The following MEI4 variants were observed in gnomAD, a reference collection of about 807,000 sequenced individuals.
MEI4 encodes the protein meiotic double-stranded break formation protein 4.
Under a neutral mutation model 31.4 loss-of-function variants are expected in MEI4, and 27 were observed. The observed-to-expected ratio is 0.86, with a 90% CI of 0.63 to 1.19. The LOEUF (loss-of-function observed/expected upper bound fraction) is 1.19, where lower values mean the gene tolerates loss of function less well. MEI4 is among the 50% of genes most tolerant of loss of function. The probability of loss-of-function intolerance (pLI) is 0.00; values close to 1 mark genes in which losing one functional copy is unlikely to be tolerated. For synonymous variants in MEI4, 122 were observed against 145.4 expected (o/e 0.84, Z 1.16); for missense variants, 329 against 398.9 (o/e 0.82, Z 1.49).
At chr6:77,695,204 T>G (rs940366680) in intron 2 of MEI4, among the ~76,000 whole-genome samples, 6 of 152,032 alleles carry the variant, frequency 3.9e-5, no homozygotes, top group African/African-American at 1.2e-4. Context: ...TTTCTCCCAT[T>G]TTGTAGGTTG....
intron 1 of MEI4, among the ~76,000 whole-genome samples, chr6:77,681,497 T>G (rs1768956611): frequency 6.6e-6 from 1 of 152,238 alleles, no homozygotes; most frequent in African/African-American, 2.4e-5. Context: ...TTTATGGATT[T>G]ACATAGTGGA....
intron 4 of MEI4, among the ~76,000 whole-genome samples, chr6:77,866,512 C>A (rs1771032431): frequency 6.6e-6 from 1 of 152,250 alleles, no homozygotes; most frequent in South Asian, 2.1e-4. Flanking sequence ...AGGAATCCAA[C>A]TTATAAGGGA....
Position 77,923,805 on chromosome 6 carries a change from C to T in MEI4, c.*459C>T, listed in dbSNP as rs941626071. ...ATGCAATTTTTAAAACTTTTTCTTA[C>T]ATAGTTGAACTTATATCATTGCTTT... On this transcript the variant is annotated 3_prime_UTR_variant, in exon 5 of 5. Coordinates refer to ENST00000684080, the MANE Select transcript of MEI4 (RefSeq NM_001322247.2). The T allele has an allele frequency of 6.6e-6, 1 of 151,792 alleles. No homozygotes were observed. The highest frequency in any genetic ancestry group is 2.4e-5 in the African/African-American group (1 of 41,382). The allele number at this position is 151,792 out of a possible 1,614,324, so 9.4% of individuals were successfully genotyped here. A position where few individuals can be genotyped will look rare whatever the true frequency, so the allele number is the denominator to read the frequency against.
intron 4 of MEI4, among the ~76,000 whole-genome samples, chr6:77,833,352 C>A (rs9294089): frequency 0.22 from 34,143 of 151,884 alleles, 4,758 homozygotes; most frequent in African/African-American, 0.4. Context: ...CTATAAAAAG[C>A]AATATCCATG....
At chr6:77,880,130 G>A (rs1206949755) in intron 4 of MEI4, among the ~76,000 whole-genome samples, 3 of 151,994 alleles carry the variant, frequency 2.0e-5, no homozygotes, top group Non-Finnish European at 4.4e-5. Flanking sequence ...TATTTACACA[G>A]TTACTCATTT....
intron 4 of MEI4, among the ~76,000 whole-genome samples, chr6:77,867,878 T>C (rs1249694810): frequency 6.6e-6 from 1 of 152,156 alleles, no homozygotes; most frequent in Admixed American, 6.5e-5. Flanking sequence ...CATGGAATAC[T>C]ATGCAGCCAT....
intron 1 of MEI4, among the ~76,000 whole-genome samples, chr6:77,684,298 G>A (rs1254740827): frequency 6.6e-6 from 1 of 152,062 alleles, no homozygotes; most frequent in Non-Finnish European, 1.5e-5. Flanking sequence ...GGGTACATGA[G>A]ATACTTTGAT....
chr6:77,921,299 A>C (rs1286380065), intron 4 of MEI4, among the ~76,000 whole-genome samples: 1 of 151,848 alleles, frequency 6.6e-6, no homozygotes, highest in Non-Finnish European at 1.5e-5. Context: ...AGCCTCTGCT[A>C]TCTATCTTCA....
chr6:77,715,636 T>C (rs1411966815), intron 2 of MEI4, among the ~76,000 whole-genome samples: 1 of 152,202 alleles, frequency 6.6e-6, no homozygotes, highest in African/African-American at 2.4e-5. Context: ...CTTTTGGCCA[T>C]ATCCCTAATG....
rs990787313 is a variant in MEI4 at position 77,847,173 on chromosome 6, A to T, written c.900+18111A>T. 6.6e-6 allele frequency among the ~76,000 whole-genome samples: 1 copy of T among 152,162 alleles called. No individual in the cohort carries two copies. Among genetic ancestry groups the T allele is most frequent in the Non-Finnish European group, 1.5e-5 (1 of 68,018 alleles). On this transcript the variant is annotated intron_variant, in intron 4 of 4. Coordinates refer to ENST00000684080, the MANE Select transcript of MEI4 (RefSeq NM_001322247.2). This position sits in a 1 kb window ranked among gnomAD's most constrained non-coding sequence, Gnocchi z 4.6. Reference sequence around the variant, plus strand: ...AAAAGATTCAGTGGTACTTTCTCTCAATGTTCTGAAATGGTGTGTATGGAG... The same window carrying T: ...AAAAGATTCAGTGGTACTTTCTCTCTATGTTCTGAAATGGTGTGTATGGAG...
In MEI4 at chr6:77,831,509, A is replaced by T. The variant is rs541447711; in HGVS notation, c.900+2447A>T. Among the ~76,000 whole-genome samples the T allele has an allele frequency of 2.7e-4, 39 of 144,830 alleles. No individual in the cohort carries two copies. In the East Asian group the frequency reaches 5.1e-3, roughly 19 times the overall value. On this transcript the variant is annotated intron_variant, in intron 4 of 4. Coordinates refer to ENST00000684080, the MANE Select transcript of MEI4 (RefSeq NM_001322247.2). Reference sequence around the variant, plus strand: ...TAAATGAATGAATAAAGATAATTTTATATATATATATATATACCAAATAAT... The same window carrying T: ...TAAATGAATGAATAAAGATAATTTTTTATATATATATATATACCAAATAAT...
At chr6:77,729,895 T>C (rs1766928813) in intron 2 of MEI4, among the ~76,000 whole-genome samples, 1 of 152,160 alleles carries the variant, frequency 6.6e-6, no homozygotes, top group Admixed American at 6.6e-5. Context: ...GTGAAGTAGA[T>C]GCATGGTAGA....
At chr6:77,890,051 C>T (rs988710171) in intron 4 of MEI4, among the ~76,000 whole-genome samples, 2 of 152,234 alleles carry the variant, frequency 1.3e-5, no homozygotes, top group African/African-American at 4.8e-5. Context: ...AGAACCTATG[C>T]TAGCACAATG....
intron 4 of MEI4, among the ~76,000 whole-genome samples, chr6:77,900,665 TAA>T (rs1243585709): frequency 1.3e-5 from 2 of 152,000 alleles, no homozygotes; most frequent in African/African-American, 2.4e-5. Flanking sequence ...AGACTGACGA[TAA>T]AAGTCATTTC....
intron 3 of MEI4, among the ~76,000 whole-genome samples, chr6:77,815,930 G>T (rs770328315): frequency 4.6e-5 from 7 of 151,482 alleles, no homozygotes; most frequent in Non-Finnish European, 7.4e-5. Context: ...TTCTTTGCAG[G>T]GTGCTTATAG....
At position 77,758,794 on chromosome 6, in the gene MEI4, A is replaced by C. The variant is rs141321406; in HGVS notation, c.233-2336A>C. Among the ~76,000 whole-genome samples the C allele has an allele frequency of 1.4e-3, 213 of 151,832 alleles. 1 individual carries two copies. Among genetic ancestry groups the C allele is most frequent in the African/African-American group, 4.5e-3 (187 of 41,404 alleles). ...CTCTGCTTATCCATTGTGTTTTTTT[A>C]TTTGTTTTTAATTGCTCATTTCACT... On this transcript the variant is annotated intron_variant, in intron 2 of 4. Coordinates refer to ENST00000684080, the MANE Select transcript of MEI4 (RefSeq NM_001322247.2).
intron 4 of MEI4, among the ~76,000 whole-genome samples, chr6:77,885,683 G>A (rs998493330): frequency 6.6e-6 from 1 of 152,016 alleles, no homozygotes; most frequent in African/African-American, 2.4e-5. Flanking sequence ...TGATTGCTCT[G>A]TCTAGAACTT....
At chr6:77,851,549 C>G (rs1342856020) in intron 4 of MEI4, among the ~76,000 whole-genome samples, 1 of 146,986 alleles carries the variant, frequency 6.8e-6, no homozygotes, top group Non-Finnish European at 1.5e-5. Context: ...AACCAAACAC[C>G]GCATGTTCTC....
intron 3 of MEI4, among the ~76,000 whole-genome samples, chr6:77,785,421 A>G (rs1292967080): frequency 6.6e-6 from 1 of 152,148 alleles, no homozygotes; most frequent in African/African-American, 2.4e-5. Flanking sequence ...CGTATTTGCA[A>G]TAAACTCTTT....
Sources: allele counts gnomAD v4.1 joint callset (sites outside exome capture counted in the v4.1 genomes callset), GRCh38; gene constraint gnomAD v4.1.1; non-coding constraint Gnocchi (gnomAD v3.1); transcripts MANE v1.5; gene names NCBI Gene and HGNC (gene_info 2026-07-23, HGNC 2026-07-21).